Variants in TEX15 observed in about 807,000 individuals in gnomAD.
TEX15 encodes the protein testis-expressed protein 15.
TEX15 carries 171 observed loss-of-function variants against 237.3 expected under a neutral mutation model. That is an observed-to-expected ratio of 0.72 (90% CI 0.64 to 0.82). TEX15 has a LOEUF of 0.82. Ranked by LOEUF, TEX15 falls within the 40% of genes least tolerant of loss-of-function variation. The pLI, the probability that TEX15 is intolerant of heterozygous loss-of-function variation, is 0.00. For missense variants in TEX15, 3,750 were observed against 3,646.5 expected, an observed-to-expected ratio of 1.03 and a Z score of -0.73; for synonymous variants, 1,338 against 1,269.8, an observed-to-expected ratio of 1.05 and a Z score of -1.14.
Position 30,835,927 on chromosome 8 carries a change from C to G in TEX15, c.9481+876G>C, listed in dbSNP as rs547122442. Among the ~76,000 whole-genome samples, 4 of 152,214 alleles carry G rather than the reference C, an allele frequency of 2.6e-5. No homozygotes were observed. In the East Asian group the frequency reaches 7.7e-4, roughly 29 times the overall value. On this transcript the variant is annotated intron_variant, in intron 10 of 10. Transcript: ENST00000643185. The stretch of plus-strand genomic sequence containing the variant: ...GAGAGAAACAGAAGGGTTGTTTTGT[C>G]TAATTGAAATTTATTTTCCCACTTT...
intron 10 of TEX15, among the ~76,000 whole-genome samples, chr8:30,835,675 G>C (rs1306399357): frequency 6.6e-6 from 1 of 151,942 alleles, no homozygotes; most frequent in Non-Finnish European, 1.5e-5. Flanking sequence ...TGGTTGTTAG[G>C]GTAACTTTTT....
Position 30,837,760 on chromosome 8 carries a change from T to A in TEX15, c.8524A>T (p.Ile2842Phe), listed in dbSNP as rs758619859. The A allele has an allele frequency of 6.2e-7, 1 of 1,614,176 alleles. No individual in the cohort carries two copies. Among genetic ancestry groups the A allele is most frequent in the Admixed American group, 1.7e-5 (1 of 60,024 alleles). ...SDKKDCAAFA[I>F]CDQKSVHGTF... ...CCATGTACACTTTTTTGGTCACAAA[T>A]TGCAAAAGCAGCACAATCTTTCTTA... The change falls in exon 10 of 11, where the codon ATT becomes TTT. Residue 2842 changes from isoleucine to phenylalanine, a missense_variant. Physicochemically the swap from Ile to Phe is conservative, Grantham distance 21. Coordinates refer to ENST00000643185, the MANE Select transcript of TEX15 (RefSeq NM_001350162.2).
chr8:30,833,226 T>TA lies in TEX15; in HGVS notation c.*59dup. ...AAATCGCTAAATGTTAAAAAATATA[T>TA]AAGTAAAAAATATTTGGAAAAACTT... On this transcript the variant is annotated 3_prime_UTR_variant, in exon 11 of 11. Transcript: ENST00000643185. The TA allele has an allele frequency of 8.6e-7, 1 of 1,160,500 alleles. No individual in the cohort carries two copies. Among genetic ancestry groups the TA allele is most frequent in the Non-Finnish European group, 1.2e-6 (1 of 815,594 alleles). 71.9% of individuals were successfully genotyped at this position (1,160,500 alleles called of 1,614,324 possible).
At chr8:30,876,803 TC>T (rs1808407958) in intron 3 of TEX15, among the ~76,000 whole-genome samples, 1 of 152,188 alleles carries the variant, frequency 6.6e-6, no homozygotes, top group Non-Finnish European at 1.5e-5. Flanking sequence ...CCTACCCAGA[TC>T]TCATCTTGTA....
intron 10 of TEX15, among the ~76,000 whole-genome samples, chr8:30,833,726 G>A (rs1407755349): frequency 2.0e-5 from 3 of 152,100 alleles, no homozygotes; most frequent in Non-Finnish European, 4.4e-5. Context: ...AAGTGTGAGA[G>A]GTGATTTCTG....
chr8:30,878,532 C>T (rs1305308353), intron 3 of TEX15, among the ~76,000 whole-genome samples: 4 of 151,946 alleles, frequency 2.6e-5, no homozygotes, highest in African/African-American at 7.3e-5. Context: ...TACAGGCATG[C>T]GCCACCATGC....
intron 3 of TEX15, among the ~76,000 whole-genome samples, chr8:30,881,915 A>T (rs548077447): frequency 1.3e-5 from 2 of 151,918 alleles, no homozygotes; most frequent in African/African-American, 4.8e-5. Context: ...GAGCCACCGC[A>T]CCCAGCCTTT....
At chr8:30,878,748 C>T (rs1808457256) in intron 3 of TEX15, among the ~76,000 whole-genome samples, 1 of 152,122 alleles carries the variant, frequency 6.6e-6, no homozygotes, top group South Asian at 2.1e-4. Flanking sequence ...TGGCCTTGAA[C>T]TCCTGGGCTC....
Position 30,845,444 on chromosome 8 carries a change from CA to C in TEX15, c.4722del (p.Ile1574MetfsTer38). On this transcript the variant is annotated frameshift_variant, in exon 8 of 11. Coordinates refer to ENST00000643185, the MANE Select transcript of TEX15 (RefSeq NM_001350162.2). LOFTEE classifies it high-confidence loss of function. ...DEKLIEKENQ[I>X]DTAFLSSTSK... ...CTAGTGCTAGATAAAAATGCTGTATCAATTTGATTTTCTTTTTCTATTAGTT... is the reference window on the plus strand; with the variant it reads ...CTAGTGCTAGATAAAAATGCTGTATCATTTGATTTTCTTTTTCTATTAGTT... 1 of 1,612,662 alleles carries C rather than the reference CA, an allele frequency of 6.2e-7. No individual in the cohort carries two copies. The highest frequency in any genetic ancestry group is 1.1e-5 in the South Asian group (1 of 90,942).
In TEX15 at chr8:30,837,761, T is replaced by C; in HGVS notation, c.8523A>G (p.Ala2841=). 1.2e-6 allele frequency: 2 copies of C among 1,614,194 alleles called. No homozygotes were observed. The highest frequency in any genetic ancestry group is 1.7e-6 in the Non-Finnish European group (2 of 1,180,022). The change falls in exon 10 of 11, where the codon GCA becomes GCG. Residue 2841 remains alanine, a synonymous_variant. Coordinates refer to ENST00000643185, the MANE Select transcript of TEX15 (RefSeq NM_001350162.2). The part of the protein sequence containing the change: ...KSDKKDCAAF[A]ICDQKSVHGT... ...CATGTACACTTTTTTGGTCACAAAT[T>C]GCAAAAGCAGCACAATCTTTCTTAT...
intron 7 of TEX15, 63 bp downstream of exon 7, chr8:30,858,605 A>G: frequency 7.4e-7 from 1 of 1,358,756 alleles, no homozygotes; most frequent in Non-Finnish European, 9.8e-7. Context: ...GCCAGTAAAT[A>G]ATACTGAGAA....
intron 3 of TEX15, among the ~76,000 whole-genome samples, chr8:30,879,926 CCT>C (rs746837097): frequency 2.8e-4 from 30 of 106,804 alleles, no homozygotes; most frequent in Admixed American, 4.2e-4. Flanking sequence ...ATTTAGATTT[CCT>C]TTTTTTTTTT....
intron 2 of TEX15, 72 bp from the exon 3 acceptor site, chr8:30,887,383 T>A: frequency 7.9e-7 from 1 of 1,260,248 alleles, no homozygotes; most frequent in Non-Finnish European, 1.0e-6. Flanking sequence ...TACAATCATT[T>A]AAAAGTTCTT....
chr8:30,856,278 G>C (rs1384321878), intron 7 of TEX15, among the ~76,000 whole-genome samples: 1 of 151,836 alleles, frequency 6.6e-6, no homozygotes, highest in African/African-American at 2.4e-5. Context: ...CTTCGGCAGG[G>C]TTCGGTGGCT....
intron 7 of TEX15, among the ~76,000 whole-genome samples, chr8:30,856,182 G>A (rs1807907436): frequency 1.3e-5 from 2 of 152,022 alleles, no homozygotes; most frequent in Non-Finnish European, 2.9e-5. Context: ...CTGACCTCAG[G>A]TAATCCATCT....
chr8:30,877,591 C>A (rs1808427054), intron 3 of TEX15, among the ~76,000 whole-genome samples: 1 of 152,034 alleles, frequency 6.6e-6, no homozygotes, highest in African/African-American at 2.4e-5. Context: ...AGTTTCATAA[C>A]ATATGATGTA....
rs1315885808 is a variant in TEX15 at position 30,845,113 on chromosome 8, G to A, written c.5054C>T (p.Thr1685Ile). 1.2e-6 allele frequency: 2 copies of A among 1,613,430 alleles called. No homozygotes were observed. The highest frequency in any genetic ancestry group is 1.7e-6 in the Non-Finnish European group (2 of 1,179,482). The part of the protein sequence containing the change: ...DCKRNLEVKW[T>I]DPIERPKQNI... ...TTGTTTGGGTCTCTCAATAGGATCT[G>A]TCCACTTTACTTCCAGGTTTCTTTT... Residue 1685 changes from threonine (T) to isoleucine (I), a missense_variant, in exon 8 of 11, where the codon ACA becomes ATA. Thr to Ile is a moderately conservative substitution (Grantham distance 89). Transcript: ENST00000643185.
At chr8:30,886,329 C>T (rs997104741) in intron 3 of TEX15, among the ~76,000 whole-genome samples, 2 of 152,182 alleles carry the variant, frequency 1.3e-5, no homozygotes, top group African/African-American at 4.8e-5. Context: ...GGGAGTATCC[C>T]TGTTACCACT....
intron 3 of TEX15, among the ~76,000 whole-genome samples, chr8:30,884,567 T>C (rs1333391758): frequency 2.0e-5 from 3 of 152,222 alleles, no homozygotes; most frequent in Admixed American, 6.5e-5. Flanking sequence ...TTTTTGCAGA[T>C]AGTGTCTTTC....
Sources: gnomAD v4.1 joint callset for allele counts (sites outside exome capture counted in the v4.1 genomes callset) on GRCh38, gnomAD v4.1.1 for gene constraint, MANE v1.5 for transcripts, NCBI Gene and HGNC (gene_info 2026-07-23, HGNC 2026-07-21) for gene names.